Variants in AHRR observed in about 807,000 individuals in gnomAD.
The protein encoded by AHRR is aryl hydrocarbon receptor repressor.
AHRR carries 28 observed loss-of-function variants against 44.0 expected under a neutral mutation model. That is an observed-to-expected ratio of 0.64 (90% CI 0.47 to 0.87). The LOEUF is 0.87. Among genes scored for constraint, AHRR ranks in the 40% least tolerant of loss-of-function variants. AHRR has a pLI of 0.00. For synonymous variants in AHRR, 434 were observed against 407.0 expected (o/e 1.07, Z -0.80); for missense variants, 990 against 953.9 (o/e 1.04, Z -0.50).
chr5:421,312 C>A, intron 5 of AHRR: 2 of 696,836 alleles, frequency 2.9e-6, no homozygotes, highest in South Asian at 1.5e-5. Context: ...GGTGCCCCCA[C>A]GGTCGCGATG....
intron 4 of AHRR, 146 bp from the exon 5 acceptor site, chr5:413,198 A>G (rs1201835086): frequency 1.9e-6 from 1 of 530,416 alleles, no homozygotes; most frequent in African/African-American, 2.0e-5. Flanking sequence ...AAATGGTAAT[A>G]AATAAAAAGT....
intron 7 of AHRR, among the ~76,000 whole-genome samples, chr5:427,462 G>C (rs910904229): frequency 1.3e-5 from 2 of 152,230 alleles, no homozygotes; most frequent in African/African-American, 4.8e-5. Context: ...TGGCCCGGCT[G>C]TGGGCAGGTG....
intron 1 of AHRR, 164 bp from the exon 2 acceptor site, chr5:343,729 G>A (rs937166610): frequency 3.1e-5 from 20 of 639,928 alleles, no homozygotes; most frequent in Non-Finnish European, 4.9e-5. Flanking sequence ...CTGGAGAGCA[G>A]GGGTCCCGGG....
In AHRR at chr5:321,755, C is replaced by A. The variant is rs1741499599; in HGVS notation, c.-75C>A. ...ATGCGAGCGCCGGCACCCGCCGCCA[C>A]AGCTCCTGGCCAGGGCGCGCTGCCC... On this transcript the variant is annotated 5_prime_UTR_variant, in exon 1 of 11. Coordinates refer to ENST00000684583, the MANE Select transcript of AHRR (RefSeq NM_001377236.1). This position sits in a 1 kb window ranked among gnomAD's most constrained non-coding sequence, Gnocchi z 8.3. 6.6e-6 allele frequency: 1 copy of A among 151,512 alleles called. No individual in the cohort carries two copies. The highest frequency in any genetic ancestry group is 6.6e-5 in the Admixed American group (1 of 15,212). The allele number at this position is 151,512 out of a possible 1,614,324, so 9.4% of individuals were successfully genotyped here.
chr5:347,584 C>G (rs1358451196), intron 2 of AHRR, among the ~76,000 whole-genome samples: 1 of 152,178 alleles, frequency 6.6e-6, no homozygotes, highest in African/African-American at 2.4e-5. Context: ...CAATGAAAGA[C>G]AGTGAATGAC....
intron 5 of AHRR, among the ~76,000 whole-genome samples, chr5:417,127 G>A (rs1735859289): frequency 7.4e-6 from 1 of 134,576 alleles, no homozygotes; most frequent in Non-Finnish European, 1.6e-5. Context: ...GAGAAGGCGG[G>A]GTCTGTATGT....
At chr5:375,385 C>T (rs28587785) in intron 3 of AHRR, among the ~76,000 whole-genome samples, 10,923 of 152,154 alleles carry the variant, frequency 0.072, 515 homozygotes, top group African/African-American at 0.13. Context: ...AGTCTAAGCT[C>T]GGCCCAGTGG....
At chr5:324,887 C>T (rs1049697721) in intron 1 of AHRR, among the ~76,000 whole-genome samples, 35 of 152,328 alleles carry the variant, frequency 2.3e-4, no homozygotes, top group South Asian at 1.2e-3. Flanking sequence ...TGGATTTCCT[C>T]GGGGCCCCTC....
At position 428,064 on chromosome 5, in the gene AHRR, A is replaced by C. The variant is rs1579709954; in HGVS notation, c.908+58A>C. The C allele has an allele frequency of 4.6e-6, 7 of 1,514,574 alleles. No individual in the cohort carries two copies. In the East Asian group the frequency reaches 7.0e-5, roughly 15 times the overall value. The allele number at this position is 1,514,574 out of a possible 1,614,324, so 93.8% of individuals were successfully genotyped here. A position where few individuals can be genotyped will look rare whatever the true frequency, so the allele number is the denominator to read the frequency against. Reference sequence around the variant, plus strand: ...TGCCTGCTGGCGGCCCCCACAAAACACCTCCACACTCAGTGTTTTCTGTGT... The same window carrying C: ...TGCCTGCTGGCGGCCCCCACAAAACCCCTCCACACTCAGTGTTTTCTGTGT... On this transcript the variant is annotated intron_variant, in intron 8 of 10. Coordinates refer to ENST00000684583, the MANE Select transcript of AHRR (RefSeq NM_001377236.1).
rs1737125868 is a variant in AHRR at position 437,248 on chromosome 5, C to G, written c.*2414C>G. ...AAAAGTCTCAATCAACATGCATGTT[C>G]CACTCTTGGAGTTCCCTGTTCTGAG... On this transcript the variant is annotated 3_prime_UTR_variant, in exon 11 of 11. Transcript: ENST00000684583. The G allele has an allele frequency of 6.6e-6, 1 of 152,338 alleles. No homozygotes were observed. Among genetic ancestry groups the G allele is most frequent in the Admixed American group, 6.5e-5 (1 of 15,286 alleles). The allele number at this position is 152,338 out of a possible 1,614,324, so 9.4% of individuals were successfully genotyped here.
At chr5:323,689 G>C (rs1560874235) in intron 1 of AHRR, among the ~76,000 whole-genome samples, 1 of 152,200 alleles carries the variant, frequency 6.6e-6, no homozygotes, top group South Asian at 2.1e-4. Context: ...CGCCGGGGGA[G>C]GGGGAGGCAG....
intron 5 of AHRR, among the ~76,000 whole-genome samples, chr5:415,667 A>AGGCCTAGGGGCCGAG (rs1735761522): frequency 6.3e-5 from 4 of 63,710 alleles, no homozygotes; most frequent in East Asian, 3.8e-4. Context: ...TAGGGGCCGA[A>AGGCCTAGGGGCCGAG]TCTGCCTGGT....
chr5:373,000 C>T (rs549341196), intron 3 of AHRR, among the ~76,000 whole-genome samples: 58 of 152,362 alleles, frequency 3.8e-4, no homozygotes, highest in African/African-American at 1.3e-3. Context: ...GGCACAGGGT[C>T]GCCCGAGGCC....
chr5:397,201 A>C (rs1258655152), intron 4 of AHRR, among the ~76,000 whole-genome samples: 26 of 84,050 alleles, frequency 3.1e-4, no homozygotes, highest in Non-Finnish European at 4.3e-4. Flanking sequence ...CTGACCATCC[A>C]CATAGCCCCT....
In AHRR at chr5:395,537, C is replaced by A. The variant is rs1186144591; in HGVS notation, c.352-17807C>A. On this transcript the variant is annotated intron_variant, in intron 4 of 10. Coordinates refer to ENST00000684583, the MANE Select transcript of AHRR (RefSeq NM_001377236.1). The surrounding 1 kb of genome is among the most constrained non-coding windows in gnomAD (Gnocchi z 5.3). ...CATCAGAAGCGCCTGCTCCAGCTCC[C>A]ACCCTGCCTGTGCCCAGTGGCAGCC... Among the ~76,000 whole-genome samples, 1 of 152,220 alleles carries A rather than the reference C, an allele frequency of 6.6e-6. No individual in the cohort carries two copies. The highest frequency in any genetic ancestry group is 2.4e-5 in the African/African-American group (1 of 41,462).
chr5:403,714 A>G, intron 4 of AHRR: 1 of 972,710 alleles, frequency 1.0e-6, no homozygotes, highest in Non-Finnish European at 1.5e-6. Flanking sequence ...TCAGAGGCAT[A>G]TTTTTCCGTA....
At position 421,763 on chromosome 5, in the gene AHRR, G is replaced by C. The variant is rs115258048; in HGVS notation, c.442-966G>C. Among the ~76,000 whole-genome samples the C allele has an allele frequency of 7.7e-3, 1,172 of 152,330 alleles. 16 individuals carry two copies. Among genetic ancestry groups the C allele is most frequent in the African/African-American group, 0.027 (1,116 of 41,566 alleles). On this transcript the variant is annotated intron_variant, in intron 5 of 10. Transcript: ENST00000684583. ...CTCCTCCTTCTGCTCTCCTGAGGCT[G>C]TGTCTCATCTTGTTCGGGGAGCCCC...
intron 3 of AHRR, 75 bp from the exon 4 acceptor site, chr5:376,535 A>T: frequency 4.1e-6 from 6 of 1,465,526 alleles, no homozygotes; most frequent in South Asian, 2.7e-5. Context: ...GGGGAAACAC[A>T]GGAAAGATGT....
At chr5:433,042 T>G in intron 10 of AHRR, 95 bp downstream of exon 10, 1 of 1,386,100 alleles carries the variant, frequency 7.2e-7, no homozygotes, top group Admixed American at 3.0e-5. Context: ...AGAAGAAAAA[T>G]AAAAAAGACG....
Sources: allele counts gnomAD v4.1 joint callset (sites outside exome capture counted in the v4.1 genomes callset), GRCh38; gene constraint gnomAD v4.1.1; non-coding constraint Gnocchi (gnomAD v3.1); transcripts MANE v1.5; gene names NCBI Gene and HGNC (gene_info 2026-07-23, HGNC 2026-07-21).